GAREM1: variants seen among roughly 807,000 people sequenced by gnomAD.
GAREM1 encodes the protein GRB2 associated regulator of MAPK1 subtype 1.
GAREM1 carries 26 observed loss-of-function variants against 71.3 expected under a neutral mutation model. The observed-to-expected ratio is 0.36, with a 90% confidence interval of 0.27 to 0.51. GAREM1 has a LOEUF of 0.51. Among genes scored for constraint, GAREM1 ranks in the 20% least tolerant of loss-of-function variants. GAREM1 has a pLI of 0.95. For synonymous variants in GAREM1, 440 were observed against 433.2 expected (o/e 1.02, Z -0.20); for missense variants, 1,026 against 1,103.1 (o/e 0.93, Z 0.99).
chr18:32,290,638 GTCTGA>G (rs2047071299), intron 3 of GAREM1, among the ~76,000 whole-genome samples: 1 of 117,710 alleles, frequency 8.5e-6, no homozygotes, highest in Non-Finnish European at 1.6e-5. Flanking sequence ...GAGACAGACT[GTCTGA>G]AAAAAAAAAA....
In GAREM1 at chr18:32,267,610, T is replaced by G; in HGVS notation, c.*261A>C. 8.9e-6 allele frequency: 3 copies of G among 335,914 alleles called. No homozygotes were observed. Among genetic ancestry groups the G allele is most frequent in the East Asian group, 4.8e-5 (1 of 20,772 alleles). The allele number at this position is 335,914 out of a possible 1,614,324, so 20.8% of individuals were successfully genotyped here. On this transcript the variant is annotated 3_prime_UTR_variant, in exon 6 of 6. Transcript: ENST00000269209. Reference sequence around the variant, plus strand: ...TGGGTAAGAATGATTTCTCTGCACATGCCTTTTTTTCTTTTAGCAGCTGCT... The same window carrying G: ...TGGGTAAGAATGATTTCTCTGCACAGGCCTTTTTTTCTTTTAGCAGCTGCT...
At chr18:32,349,324 C>G (rs532748591) in intron 2 of GAREM1, among the ~76,000 whole-genome samples, 2 of 152,152 alleles carry the variant, frequency 1.3e-5, no homozygotes, top group Non-Finnish European at 2.9e-5. Flanking sequence ...TTCAACTACT[C>G]CCTTCAATCA....
chr18:32,373,854 T>C (rs529621886), intron 2 of GAREM1, among the ~76,000 whole-genome samples: 1 of 152,358 alleles, frequency 6.6e-6, no homozygotes, highest in East Asian at 1.9e-4. Flanking sequence ...TTTAAGGTCT[T>C]ATAAAACAAT....
Position 32,423,364 on chromosome 18 carries a change from A to G in GAREM1, c.122-30329T>C, listed in dbSNP as rs187045269. 5.3e-5 allele frequency among the ~76,000 whole-genome samples: 8 copies of G among 152,360 alleles called. No homozygotes were observed. In the East Asian group the frequency reaches 1.5e-3, roughly 29 times the overall value. On this transcript the variant is annotated intron_variant, in intron 1 of 5. Transcript: ENST00000269209. ...TAGGTATTAGTTTACACTATGTTTT[A>G]GTTTACACTGAAAAATACATTCACA... is the stretch of plus-strand genomic sequence containing the variant.
chr18:32,441,790 C>G (rs1317520200), intron 1 of GAREM1, among the ~76,000 whole-genome samples: 1 of 152,166 alleles, frequency 6.6e-6, no homozygotes, highest in African/African-American at 2.4e-5. Flanking sequence ...GAAAAGTGCT[C>G]TTAGAGTCAG....
chr18:32,323,262 T>C (rs1234095791), intron 2 of GAREM1, among the ~76,000 whole-genome samples: 7 of 152,186 alleles, frequency 4.6e-5, no homozygotes, highest in Admixed American at 2.6e-4. Context: ...ACATCACTGA[T>C]CTAGCTGATG....
chr18:32,322,706 G>C (rs148357658), intron 2 of GAREM1, among the ~76,000 whole-genome samples: 1 of 152,296 alleles, frequency 6.6e-6, no homozygotes, highest in African/African-American at 2.4e-5. Flanking sequence ...CCTAATAAAT[G>C]ATGGCTGAAT....
chr18:32,349,533 C>T (rs2047727893), intron 2 of GAREM1, among the ~76,000 whole-genome samples: 1 of 152,128 alleles, frequency 6.6e-6, no homozygotes, highest in African/African-American at 2.4e-5. Context: ...AGAGGTATTA[C>T]TTCCCCCAAA....
At chr18:32,323,456 T>G (rs2047448395) in intron 2 of GAREM1, among the ~76,000 whole-genome samples, 1 of 152,216 alleles carries the variant, frequency 6.6e-6, no homozygotes, top group African/African-American at 2.4e-5. Context: ...CTGGGCACAG[T>G]GGCTCACACC....
intron 1 of GAREM1, among the ~76,000 whole-genome samples, chr18:32,410,195 T>C (rs1342309160): frequency 6.6e-6 from 1 of 152,226 alleles, no homozygotes. Flanking sequence ...GGCATGTTTC[T>C]AAGATCCCAA....
intron 2 of GAREM1, among the ~76,000 whole-genome samples, chr18:32,332,206 G>A (rs999141365): frequency 6.6e-6 from 1 of 151,892 alleles, no homozygotes; most frequent in Non-Finnish European, 1.5e-5. Flanking sequence ...ATGGCTTAGT[G>A]TAGTCTTTGC....
chr18:32,382,997 G>A (rs773326908), intron 2 of GAREM1, among the ~76,000 whole-genome samples: 4 of 152,174 alleles, frequency 2.6e-5, no homozygotes, highest in Non-Finnish European at 4.4e-5. Flanking sequence ...ATGGAAAAAC[G>A]GAATCTTTCT....
chr18:32,402,425 A>T (rs769155582), intron 1 of GAREM1, among the ~76,000 whole-genome samples: 4 of 152,180 alleles, frequency 2.6e-5, no homozygotes, highest in Non-Finnish European at 5.9e-5. Context: ...AAAAAAAAGG[A>T]TTCAATTTCA....
At chr18:32,371,918 G>A (rs1598997662) in intron 2 of GAREM1, among the ~76,000 whole-genome samples, 1 of 152,158 alleles carries the variant, frequency 6.6e-6, no homozygotes, top group East Asian at 1.9e-4. Flanking sequence ...ATGCATTGAG[G>A]ACCTTAGTTA....
rs1285617355 is a variant in GAREM1 at position 32,365,537 on chromosome 18, C to A, written c.262+27358G>T. Among the ~76,000 whole-genome samples the A allele has an allele frequency of 2.0e-5, 3 of 152,060 alleles. No individual in the cohort carries two copies. The East Asian group carries it at 5.8e-4, about 29-fold the overall frequency. On this transcript the variant is annotated intron_variant, in intron 2 of 5. Coordinates refer to ENST00000269209, the MANE Select transcript of GAREM1 (RefSeq NM_001242409.2). The stretch of plus-strand genomic sequence containing the variant: ...ACCATAGGTAAATAACCTTTCTATA[C>A]CACAATGAGGAAATGGGAAGTAGAA...
intron 5 of GAREM1, among the ~76,000 whole-genome samples, chr18:32,269,890 G>A (rs144614264): frequency 1.3e-5 from 2 of 152,196 alleles, no homozygotes; most frequent in South Asian, 2.1e-4. Context: ...CTGTCTGCTC[G>A]TGTCAAAGTG....
intron 4 of GAREM1, among the ~76,000 whole-genome samples, chr18:32,273,729 GAA>G (rs2041498877): frequency 6.6e-6 from 1 of 151,970 alleles, no homozygotes; most frequent in African/African-American, 2.4e-5. Flanking sequence ...GAGAGAGAGA[GAA>G]AGAAAGAGAG....
intron 2 of GAREM1, among the ~76,000 whole-genome samples, chr18:32,328,387 G>A (rs143520803): frequency 1.6e-4 from 24 of 152,332 alleles, no homozygotes; most frequent in African/African-American, 5.8e-4. Flanking sequence ...GGCTGGTGTG[G>A]TTGATAATCT....
At chr18:32,284,461 T>A (rs532004207) in intron 4 of GAREM1, among the ~76,000 whole-genome samples, 4 of 152,332 alleles carry the variant, frequency 2.6e-5, no homozygotes, top group Admixed American at 2.6e-4. Context: ...ATTTATGTTC[T>A]TACTCATCTT....
Sources: allele counts gnomAD v4.1 joint callset (sites outside exome capture counted in the v4.1 genomes callset), GRCh38; gene constraint gnomAD v4.1.1; transcripts MANE v1.5; gene names NCBI Gene and HGNC (gene_info 2026-07-23, HGNC 2026-07-21).